UMAD1: variants seen among roughly 807,000 people sequenced by gnomAD.
UMAD1 encodes the protein UBAP1-MVB12-associated (UMA)-domain containing protein 1.
Under a neutral mutation model 6.1 loss-of-function variants are expected in UMAD1, and 8 were observed. That is an observed-to-expected ratio of 1.30 (90% CI 0.76 to 2.35). The LOEUF (loss-of-function observed/expected upper bound fraction) is 2.35. Ranked by LOEUF, UMAD1 falls within the 30% of genes most tolerant of loss-of-function variation. The pLI is 0.00. For synonymous variants in UMAD1, 56 were observed against 31.4 expected (o/e 1.78, Z -2.61); for missense variants, 130 against 78.4 (o/e 1.66, Z -2.49).
intron 2 of UMAD1, among the ~76,000 whole-genome samples, chr7:7,755,149 A>G (rs1781753342): frequency 1.3e-5 from 2 of 152,180 alleles, no homozygotes; most frequent in African/African-American, 2.4e-5. Context: ...CTATTTTAAT[A>G]TGGGGATTAG....
intron 3 of UMAD1, among the ~76,000 whole-genome samples, chr7:7,854,769 C>T (rs1418097674): frequency 6.6e-6 from 1 of 152,164 alleles, no homozygotes; most frequent in Non-Finnish European, 1.5e-5. Flanking sequence ...AGTCTTAACC[C>T]AGCATTATTC....
At chr7:7,865,407 GT>G (rs1390462908) in intron 3 of UMAD1, among the ~76,000 whole-genome samples, 1 of 152,166 alleles carries the variant, frequency 6.6e-6, no homozygotes, top group African/African-American at 2.4e-5. Flanking sequence ...TGTCATAAGT[GT>G]TGTGACTAAA....
chr7:7,767,147 C>G (rs952506129), intron 2 of UMAD1, among the ~76,000 whole-genome samples: 3 of 80,828 alleles, frequency 3.7e-5, no homozygotes, highest in African/African-American at 1.3e-4. Flanking sequence ...TTTTTTGAGA[C>G]GGACTCTCAC....
chr7:7,820,916 G>C (rs1735058543), intron 3 of UMAD1, among the ~76,000 whole-genome samples: 1 of 152,148 alleles, frequency 6.6e-6, no homozygotes, highest in African/African-American at 2.4e-5. Flanking sequence ...TAGATCCTCA[G>C]AGAAAAACTG....
At chr7:7,733,312 A>G (rs529192725) in intron 2 of UMAD1, among the ~76,000 whole-genome samples, 1 of 152,196 alleles carries the variant, frequency 6.6e-6, no homozygotes, top group East Asian at 1.9e-4. Flanking sequence ...GAAGCCTGAC[A>G]TTTTGGGTGC....
At chr7:7,762,341 A>G (rs1781907512) in intron 2 of UMAD1, among the ~76,000 whole-genome samples, 1 of 152,240 alleles carries the variant, frequency 6.6e-6, no homozygotes, top group Admixed American at 6.5e-5. Flanking sequence ...GTTTAAGTAC[A>G]TCAGTGACTG....
At chr7:7,742,304 G>A (rs1781486579) in intron 2 of UMAD1, 4 of 638,546 alleles carry the variant, frequency 6.3e-6, no homozygotes, top group South Asian at 4.1e-5. Flanking sequence ...GGCCGACTCA[G>A]TGGTCAGCGG....
intron 3 of UMAD1, among the ~76,000 whole-genome samples, chr7:7,863,324 A>T (rs1396957288): frequency 6.6e-6 from 1 of 152,202 alleles, no homozygotes; most frequent in Non-Finnish European, 1.5e-5. Flanking sequence ...AATTAAATAC[A>T]TGTGAAACTA....
chr7:7,742,541 C>A, intron 2 of UMAD1: 1 of 522,274 alleles, frequency 1.9e-6, no homozygotes, highest in Non-Finnish European at 3.8e-6. Flanking sequence ...GCAGGAGCTT[C>A]CTTCTTCGCT....
chr7:7,774,480 C>A (rs145378978), intron 2 of UMAD1, among the ~76,000 whole-genome samples: 63 of 152,178 alleles, frequency 4.1e-4, no homozygotes, highest in African/African-American at 1.4e-3. Context: ...GTTCTACATA[C>A]CAAACAAGTT....
At chr7:7,780,317 C>G (rs1782318397) in intron 2 of UMAD1, among the ~76,000 whole-genome samples, 1 of 152,196 alleles carries the variant, frequency 6.6e-6, no homozygotes, top group African/African-American at 2.4e-5. Context: ...CCCAACTACC[C>G]CCACAGACTG....
intron 3 of UMAD1, among the ~76,000 whole-genome samples, chr7:7,833,535 A>G (rs778864281): frequency 3.9e-5 from 6 of 152,190 alleles, no homozygotes; most frequent in Non-Finnish European, 8.8e-5. Flanking sequence ...CAGGTGGTCA[A>G]CATGACTGGG....
chr7:7,842,793 T>C (rs1783708277), intron 3 of UMAD1, among the ~76,000 whole-genome samples: 1 of 152,096 alleles, frequency 6.6e-6, no homozygotes, highest in African/African-American at 2.4e-5. Context: ...TTTCACCCCA[T>C]TCAATAAATA....
chr7:7,837,456 A>C (rs1783592092), intron 3 of UMAD1, among the ~76,000 whole-genome samples: 1 of 152,104 alleles, frequency 6.6e-6, no homozygotes, highest in Non-Finnish European at 1.5e-5. Flanking sequence ...ATAGCCAACA[A>C]CTCCGTAGAG....
At chr7:7,654,464 A>C (rs943430037) in intron 1 of UMAD1, among the ~76,000 whole-genome samples, 1 of 152,256 alleles carries the variant, frequency 6.6e-6, no homozygotes, top group African/African-American at 2.4e-5. Flanking sequence ...GATTGGTTCC[A>C]GGACTTCCTG....
At chr7:7,760,500 A>G (rs930083568) in intron 2 of UMAD1, among the ~76,000 whole-genome samples, 2 of 151,728 alleles carry the variant, frequency 1.3e-5, no homozygotes, top group African/African-American at 2.4e-5. Flanking sequence ...AGATAACTGG[A>G]ATACCAACCA....
At chr7:7,720,899 T>G (rs62432607) in intron 2 of UMAD1, among the ~76,000 whole-genome samples, 16,089 of 152,212 alleles carry the variant, frequency 0.11, 1,091 homozygotes, top group African/African-American at 0.19. Flanking sequence ...TTTTGAAATA[T>G]AATCTGTTTG....
chr7:7,701,925 T>G (rs184325590), intron 2 of UMAD1, among the ~76,000 whole-genome samples: 1 of 152,242 alleles, frequency 6.6e-6, no homozygotes, highest in Non-Finnish European at 1.5e-5. Context: ...TGCCATCAGC[T>G]ATACCTCCCT....
At chr7:7,836,955 TAAAA>T (rs35860331) in intron 3 of UMAD1, among the ~76,000 whole-genome samples, 1 of 145,860 alleles carries the variant, frequency 6.9e-6, no homozygotes, top group African/African-American at 2.5e-5. Flanking sequence ...CCAAAACTAT[TAAAA>T]AAAAAAAATC....
Sources: gnomAD v4.1 joint callset for allele counts (sites outside exome capture counted in the v4.1 genomes callset) on GRCh38, gnomAD v4.1.1 for gene constraint, MANE v1.5 for transcripts, NCBI Gene and HGNC (gene_info 2026-07-23, HGNC 2026-07-21) for gene names.